The following ACVR2B variants were observed in gnomAD, a reference collection of about 807,000 sequenced individuals.
ACVR2B encodes the protein activin receptor type-2B.
In ACVR2B, 18 loss-of-function variants were observed where a neutral mutation model predicts 65.1. The ratio of observed to expected loss-of-function variants is 0.28; its 90% CI spans 0.19 to 0.41. The LOEUF (loss-of-function observed/expected upper bound fraction) is 0.41, where lower values mean the gene tolerates loss of function less well. Ranked by LOEUF, ACVR2B falls within the 10% of genes least tolerant of loss-of-function variation. The pLI is 1.00. For synonymous variants in ACVR2B, 298 were observed against 277.7 expected (o/e 1.07, Z -0.73); for missense variants, 482 against 682.7 (o/e 0.71, Z 3.28).
At chr3:38,459,641 A>G in intron 1 of ACVR2B, 1 of 985,358 alleles carries the variant, frequency 1.0e-6, no homozygotes, top group Non-Finnish European at 1.2e-6. Flanking sequence ...GTGGGCCTGG[A>G]GCCCCCAGGC....
rs199538354 is a variant in ACVR2B, at chr3:38,481,425, G to C, written c.1034G>C (p.Arg345Pro). Residue 345 changes from arginine to proline, a missense_variant, in exon 8 of 11, where the codon CGA becomes CCA. Arg to Pro is a moderately radical substitution (Grantham distance 103, BLOSUM62 -2). Around this residue, in one of 5 missense-constraint regions of ACVR2B, gnomAD observed 223 missense variants for 386.3 expected, o/e 0.58. Transcript: ENST00000352511. This position sits in a 1 kb window ranked among gnomAD's most constrained non-coding sequence, Gnocchi z 4.7. ...AVLADFGLAV[R>P]FEPGKPPGDT... ...CTGGCTGACTTTGGCTTGGCTGTTC[G>C]ATTTGAGCCAGGGAAACCTCCAGGG... 1 of 1,614,204 alleles carries C rather than the reference G, an allele frequency of 6.2e-7. No individual in the cohort carries two copies.
rs1417923833 is a variant in ACVR2B at position 38,477,424 on chromosome 3, C to T, written c.190C>T (p.Arg64Cys). The T allele has an allele frequency of 1.2e-6, 2 of 1,614,042 alleles. No homozygotes were observed. The highest frequency in any genetic ancestry group is 1.3e-5 in the African/African-American group (1 of 74,908). The change falls in exon 2 of 11, where the codon CGC (arginine) becomes TGC (cysteine). Residue 64 changes from arginine (R) to cysteine (C), a missense_variant. Transcript: ENST00000352511. This position sits in a 1 kb window ranked among gnomAD's most constrained non-coding sequence, Gnocchi z 6.7. ...GCGGCTGCACTGCTACGCCTCCTGG[C>T]GCAACAGCTCTGGCACCATCGAGCT... is the stretch of plus-strand genomic sequence containing the variant. ...DKRLHCYASW[R>C]NSSGTIELVK... is the part of the protein sequence containing the mutation.
chr3:38,458,095 A>G (rs1559644743), intron 1 of ACVR2B, among the ~76,000 whole-genome samples: 1 of 152,124 alleles, frequency 6.6e-6, no homozygotes, highest in Non-Finnish European at 1.5e-5. Context: ...ATAGCTGGGT[A>G]AAAACATAAG....
rs751902163 is a variant in ACVR2B, at chr3:38,485,125, G to T, written c.*1793G>T. 1 of 152,200 alleles carries T rather than the reference G, an allele frequency of 6.6e-6. No individual in the cohort carries two copies. The highest frequency in any genetic ancestry group is 1.5e-5 in the Non-Finnish European group (1 of 68,038). 9.4% of individuals were successfully genotyped at this position (152,200 alleles called of 1,614,324 possible). ...CGTGAGGGTAGGCAAGGCGGGGGCC[G>T]TGGGGAGAGGTTGACCTGGGTGAGA... is the stretch of plus-strand genomic sequence containing the variant. On this transcript the variant is annotated 3_prime_UTR_variant, in exon 11 of 11. Transcript: ENST00000352511.
In ACVR2B at chr3:38,491,238, C is replaced by T. The variant is rs1358702537; in HGVS notation, c.*7906C>T. On this transcript the variant is annotated 3_prime_UTR_variant, in exon 11 of 11. Transcript: ENST00000352511. ...AAAAGTTTAATTAACCAGCAGTCAC[C>T]GCATCTGAATTTTTGTCTCTGGGGC... 1 of 152,506 alleles carries T rather than the reference C, an allele frequency of 6.6e-6. No homozygotes were observed. The highest frequency in any genetic ancestry group is 2.4e-5 in the African/African-American group (1 of 41,414). The allele number at this position is 152,506 out of a possible 1,614,324, so 9.4% of individuals were successfully genotyped here.
intron 1 of ACVR2B, among the ~76,000 whole-genome samples, chr3:38,472,512 A>G (rs1709835033): frequency 6.6e-6 from 1 of 151,964 alleles, no homozygotes; most frequent in Admixed American, 6.5e-5. Flanking sequence ...GCAGACCTAG[A>G]TAGATGTAGT....
In ACVR2B at chr3:38,454,378, A is replaced by AGAACTGGGCGCGGCGCGGGGAC. The variant is rs1401793692; in HGVS notation, c.52+6_52+27dup. On this transcript the variant is annotated splice_donor_region_variant and intron_variant, in intron 1 of 10. Coordinates refer to ENST00000352511, the MANE Select transcript of ACVR2B (RefSeq NM_001106.4). ...CTCTGGGGATCGCTGTGCGCCGGTA[A>AGAACTGGGCGCGGCGCGGGGAC]GAACTGGGCGCGGCGCGGGGACGCC... is the stretch of plus-strand genomic sequence containing the variant. 8.0e-7 allele frequency: 1 copy of AGAACTGGGCGCGGCGCGGGGAC among 1,257,772 alleles called. No individual in the cohort carries two copies. The highest frequency in any genetic ancestry group is 1.0e-6 in the Non-Finnish European group (1 of 1,002,534). 77.9% of individuals were successfully genotyped at this position (1,257,772 alleles called of 1,614,324 possible).
At chr3:38,458,521 G>A (rs1158327775) in intron 1 of ACVR2B, among the ~76,000 whole-genome samples, 1 of 152,080 alleles carries the variant, frequency 6.6e-6, no homozygotes, top group East Asian at 1.9e-4. Context: ...TTTCCACCTT[G>A]GTACCTCACT....
chr3:38,466,380 A>G (rs532903006), intron 1 of ACVR2B, among the ~76,000 whole-genome samples: 2 of 152,348 alleles, frequency 1.3e-5, no homozygotes, highest in Non-Finnish European at 2.9e-5. Context: ...CCACAAAGAA[A>G]TGATAAATGG....
At chr3:38,460,960 T>C (rs1054767442) in intron 1 of ACVR2B, among the ~76,000 whole-genome samples, 5 of 152,236 alleles carry the variant, frequency 3.3e-5, no homozygotes, top group Non-Finnish European at 7.3e-5. Flanking sequence ...GGTTTGTGCC[T>C]GAGCATTTCG....
chr3:38,463,297 A>G (rs1327527842), intron 1 of ACVR2B, among the ~76,000 whole-genome samples: 1 of 152,212 alleles, frequency 6.6e-6, no homozygotes, highest in East Asian at 1.9e-4. Flanking sequence ...GCTCTGGGTA[A>G]CAGCACTACT....
At chr3:38,463,266 C>T (rs1239269991) in intron 1 of ACVR2B, among the ~76,000 whole-genome samples, 3 of 152,186 alleles carry the variant, frequency 2.0e-5, no homozygotes, top group Non-Finnish European at 4.4e-5. Flanking sequence ...GACTAAGGCA[C>T]TTGTTGAAGG....
chr3:38,456,807 C>T (rs1290582426), intron 1 of ACVR2B, among the ~76,000 whole-genome samples: 8 of 152,192 alleles, frequency 5.3e-5, no homozygotes, highest in Non-Finnish European at 1.0e-4. Flanking sequence ...CCCTCACTAC[C>T]TCCCAAAGGT....
At chr3:38,482,831 A>G (rs1710041577) in intron 10 of ACVR2B, among the ~76,000 whole-genome samples, 1 of 152,136 alleles carries the variant, frequency 6.6e-6, no homozygotes, top group East Asian at 1.9e-4. Context: ...CTTCAAGGCA[A>G]GTAGTGGTGT....
At chr3:38,459,520 C>G in intron 1 of ACVR2B, 3 of 941,184 alleles carry the variant, frequency 3.2e-6, no homozygotes, top group Non-Finnish European at 3.8e-6. Context: ...GCCTCAGGAG[C>G]TAAGGCTAGC....
Position 38,482,212 on chromosome 3 carries a change from G to C in ACVR2B, c.1089G>C (p.Arg363=), listed in dbSNP as rs755884935. The C allele has an allele frequency of 6.2e-7, 1 of 1,613,740 alleles. No individual in the cohort carries two copies. Among genetic ancestry groups the C allele is most frequent in the Non-Finnish European group, 8.5e-7 (1 of 1,179,966 alleles). Reference sequence around the variant, plus strand: ...TCCTCACATAGGTAGGCACGAGACGGTACATGGCTCCTGAGGTGCTCGAGG... The same window carrying C: ...TCCTCACATAGGTAGGCACGAGACGCTACATGGCTCCTGAGGTGCTCGAGG... ...GDTHGQVGTR[R]YMAPEVLEGA... is the part of the protein sequence containing the mutation. Residue 363 remains arginine, a synonymous_variant, in exon 9 of 11, where the codon CGG becomes CGC. Coordinates refer to ENST00000352511, the MANE Select transcript of ACVR2B (RefSeq NM_001106.4).
rs1710120594 is a variant in ACVR2B, at chr3:38,486,359, G to A, written c.*3027G>A. The stretch of plus-strand genomic sequence containing the variant: ...CTGGTTCTGATGGCAAGAAGAAGGT[G>A]GGGGATCTCCTTATAGGGCATGGGT... On this transcript the variant is annotated 3_prime_UTR_variant, in exon 11 of 11. Transcript: ENST00000352511. 6.6e-6 allele frequency: 1 copy of A among 152,276 alleles called. No individual in the cohort carries two copies. The highest frequency in any genetic ancestry group is 2.4e-5 in the African/African-American group (1 of 41,436). 9.4% of individuals were successfully genotyped at this position (152,276 alleles called of 1,614,324 possible).
chr3:38,467,839 G>GATAAATATAGCTAATATTTCTA (rs1225406717), intron 1 of ACVR2B, among the ~76,000 whole-genome samples: 5 of 151,994 alleles, frequency 3.3e-5, no homozygotes, highest in Non-Finnish European at 7.4e-5. Flanking sequence ...GACCAAATGA[G>GATAAATATAGCTAATATTTCTA]ATAAATATAG....
chr3:38,454,263 G>C lies in ACVR2B; in HGVS notation c.-60G>C. 1 of 1,187,430 alleles carries C rather than the reference G, an allele frequency of 8.4e-7. No homozygotes were observed. The highest frequency in any genetic ancestry group is 1.0e-6 in the Non-Finnish European group (1 of 957,328). 73.6% of individuals were successfully genotyped at this position (1,187,430 alleles called of 1,614,324 possible). A position where few individuals can be genotyped will look rare whatever the true frequency, so the allele number is the denominator to read the frequency against. On this transcript the variant is annotated 5_prime_UTR_variant, in exon 1 of 11. Coordinates refer to ENST00000352511, the MANE Select transcript of ACVR2B (RefSeq NM_001106.4). ...GCCGCCGCCTGGCCCTGCGCGCCCC[G>C]GGAGCGCCGTGCGGCCCTGCCCGCG...
Sources: allele counts gnomAD v4.1 joint callset (sites outside exome capture counted in the v4.1 genomes callset), GRCh38; gene constraint gnomAD v4.1.1; regional missense constraint gnomAD v4.1.1; non-coding constraint Gnocchi (gnomAD v3.1); transcripts MANE v1.5; gene names NCBI Gene and HGNC (gene_info 2026-07-23, HGNC 2026-07-21).